Variants in TRIM71 observed in about 807,000 individuals in gnomAD.
The protein encoded by TRIM71 is tripartite motif containing 71.
A neutral mutation model predicts 61.2 loss-of-function variants in TRIM71; 9 were observed. That is an observed-to-expected ratio of 0.15 (90% CI 0.09 to 0.26). The LOEUF (loss-of-function observed/expected upper bound fraction) is 0.26. Ranked by LOEUF, TRIM71 falls within the 10% of genes least tolerant of loss-of-function variation. The pLI is 1.00. For synonymous variants in TRIM71, 645 were observed against 553.2 expected, an observed-to-expected ratio of 1.17 and a Z score of -2.33; for missense variants, 998 against 1,238.7, an observed-to-expected ratio of 0.81 and a Z score of 2.92.
At chr3:32,885,713 C>T (rs1696954691) in intron 2 of TRIM71, among the ~76,000 whole-genome samples, 1 of 152,170 alleles carries the variant, frequency 6.6e-6, no homozygotes, top group South Asian at 2.1e-4. Flanking sequence ...TGCTATTTCT[C>T]ATGCAAAGAA....
chr3:32,875,801 A>G (rs1170277150), intron 2 of TRIM71, among the ~76,000 whole-genome samples: 1 of 152,076 alleles, frequency 6.6e-6, no homozygotes, highest in Non-Finnish European at 1.5e-5. Context: ...ATGCCAGTGC[A>G]CTCCAGCCTG....
intron 3 of TRIM71, among the ~76,000 whole-genome samples, chr3:32,887,623 T>C (rs9310995): frequency 0.43 from 65,763 of 151,602 alleles, 14,508 homozygotes; most frequent in Middle Eastern, 0.52. Context: ...AGGATTAAGA[T>C]AACCCTGTTG....
Position 32,891,866 on chromosome 3 carries a change from C to CTT in TRIM71, c.*56_*57insTT, listed in dbSNP as rs1209700012. On this transcript the variant is annotated 3_prime_UTR_variant, in exon 4 of 4. Coordinates refer to ENST00000383763, the MANE Select transcript of TRIM71 (RefSeq NM_001039111.3). This position sits in a 1 kb window ranked among gnomAD's most constrained non-coding sequence, Gnocchi z 8.2. ...TGTGTGTGCGTGTCTCTCTCTCTCTCTCTCTCTTTCTCTTTCTCTCTCTTT... is the reference window on the plus strand; with the variant it reads ...TGTGTGTGCGTGTCTCTCTCTCTCTCTTTCTCTCTTTCTCTTTCTCTCTCTTT... 7.1e-6 allele frequency: 11 copies of CTT among 1,556,338 alleles called. No individual in the cohort carries two copies. The highest frequency in any genetic ancestry group is 3.9e-5 in the Admixed American group (2 of 51,486).
chr3:32,888,916 A>G (rs1464967904), intron 3 of TRIM71, among the ~76,000 whole-genome samples: 1 of 152,134 alleles, frequency 6.6e-6, no homozygotes, highest in Admixed American at 6.5e-5. Flanking sequence ...CCACAGCAGG[A>G]CCTTTGCTGT....
At chr3:32,829,466 G>A (rs980049483) in intron 1 of TRIM71, among the ~76,000 whole-genome samples, 5 of 152,076 alleles carry the variant, frequency 3.3e-5, no homozygotes, top group African/African-American at 1.2e-4. Context: ...CGTGAGCCAC[G>A]ATGCCCTGCT....
chr3:32,853,413 G>A (rs1205603711), intron 1 of TRIM71, among the ~76,000 whole-genome samples: 1 of 151,756 alleles, frequency 6.6e-6, no homozygotes, highest in Non-Finnish European at 1.5e-5. Flanking sequence ...CACCACACCC[G>A]GCCAGAATAT....
chr3:32,824,733 C>G (rs576922221), intron 1 of TRIM71, among the ~76,000 whole-genome samples: 15 of 152,240 alleles, frequency 9.9e-5, no homozygotes, highest in African/African-American at 3.4e-4. Flanking sequence ...ACCTGCCTAC[C>G]TAGGCCTCCC....
At chr3:32,889,598 T>TATTATA (rs1697000934) in intron 3 of TRIM71, among the ~76,000 whole-genome samples, 1 of 148,764 alleles carries the variant, frequency 6.7e-6, no homozygotes, top group Non-Finnish European at 1.5e-5. Flanking sequence ...TTATTATTAT[T>TATTATA]ATTATTTTGA....
At chr3:32,859,893 C>T (rs985788449) in intron 1 of TRIM71, among the ~76,000 whole-genome samples, 5 of 152,044 alleles carry the variant, frequency 3.3e-5, no homozygotes, top group African/African-American at 4.8e-5. Context: ...GATCTTTTTG[C>T]GGTGGGTGGG....
At chr3:32,837,929 A>G (rs1013980359) in intron 1 of TRIM71, among the ~76,000 whole-genome samples, 3 of 152,240 alleles carry the variant, frequency 2.0e-5, no homozygotes, top group Non-Finnish European at 1.5e-5. Flanking sequence ...GCAAATGGCC[A>G]GGGCACATTG....
chr3:32,850,980 C>G (rs535124077), intron 1 of TRIM71, among the ~76,000 whole-genome samples: 1 of 152,168 alleles, frequency 6.6e-6, no homozygotes, highest in African/African-American at 2.4e-5. Flanking sequence ...TATCAAAATA[C>G]ACAAAATGAA....
At chr3:32,844,775 A>T (rs1353845491) in intron 1 of TRIM71, among the ~76,000 whole-genome samples, 8 of 152,134 alleles carry the variant, frequency 5.3e-5, no homozygotes, top group Non-Finnish European at 1.5e-5. Flanking sequence ...AAGCCATAAC[A>T]ATTCCTAGAA....
In TRIM71 at chr3:32,873,727, G is replaced by A. The variant is rs141501971; in HGVS notation, c.853-91G>A. On this transcript the variant is annotated intron_variant, in intron 1 of 3. Transcript: ENST00000383763. The stretch of plus-strand genomic sequence containing the variant: ...TGCTCATTGGGGAAGCTGGTCGTTC[G>A]GTTGTGAGAGCCAGGGCCCTCCAGT... 8.4e-5 allele frequency: 106 copies of A among 1,265,608 alleles called. 1 individual carries two copies. The East Asian group carries it at 1.1e-3, about 14-fold the overall frequency. The allele number at this position is 1,265,608 out of a possible 1,614,324, so 78.4% of individuals were successfully genotyped here.
intron 1 of TRIM71, among the ~76,000 whole-genome samples, chr3:32,843,205 C>G (rs1174652670): frequency 6.6e-6 from 1 of 152,158 alleles, no homozygotes; most frequent in African/African-American, 2.4e-5. Flanking sequence ...AGGGAGCCCT[C>G]TGCTTCCTGC....
At chr3:32,874,465 T>A (rs1273152771) in intron 2 of TRIM71, among the ~76,000 whole-genome samples, 1 of 151,810 alleles carries the variant, frequency 6.6e-6, no homozygotes, top group African/African-American at 2.4e-5. Context: ...CGGATTCAAG[T>A]GATTCTCCTC....
intron 1 of TRIM71, among the ~76,000 whole-genome samples, chr3:32,865,737 G>A (rs72852823): frequency 0.025 from 3,371 of 137,402 alleles, 134 homozygotes; most frequent in African/African-American, 0.087. Context: ...ATTCAACTCT[G>A]TAAACAGAAT....
At position 32,896,399 on chromosome 3, in the gene TRIM71, GTTTTGT is replaced by G. The variant is rs1697078279; in HGVS notation, c.*4593_*4598del. ...CTGTTGAAGTGTGTATTGCTCTTTT[GTTTTGT>G]TTTTATTTTTTTCTACCAAAGGTAA... On this transcript the variant is annotated 3_prime_UTR_variant, in exon 4 of 4. Transcript: ENST00000383763. 6.6e-6 allele frequency: 1 copy of G among 151,614 alleles called. No homozygotes were observed. Among genetic ancestry groups the G allele is most frequent in the African/African-American group, 2.4e-5 (1 of 41,322 alleles). 9.4% of individuals were successfully genotyped at this position (151,614 alleles called of 1,614,324 possible).
intron 1 of TRIM71, among the ~76,000 whole-genome samples, chr3:32,827,268 C>CTTTT (rs369755706): frequency 1.5e-5 from 2 of 129,678 alleles, no homozygotes; most frequent in Non-Finnish European, 3.3e-5. Context: ...GGGGATAATT[C>CTTTT]TTTTTTTTTT....
At chr3:32,854,245 C>T (rs987076175) in intron 1 of TRIM71, among the ~76,000 whole-genome samples, 3 of 152,140 alleles carry the variant, frequency 2.0e-5, no homozygotes, top group Non-Finnish European at 4.4e-5. Flanking sequence ...CTGCTCATCT[C>T]GGCTTCCCAA....
Sources: allele counts gnomAD v4.1 joint callset (sites outside exome capture counted in the v4.1 genomes callset), GRCh38; gene constraint gnomAD v4.1.1; non-coding constraint Gnocchi (gnomAD v3.1); transcripts MANE v1.5; gene names NCBI Gene and HGNC (gene_info 2026-07-23, HGNC 2026-07-21).